TTLL7: variants seen among roughly 807,000 people sequenced by gnomAD.
TTLL7 encodes tubulin polyglutamylase TTLL7.
Under a neutral mutation model 120.2 loss-of-function variants are expected in TTLL7, and 53 were observed. That is an observed-to-expected ratio of 0.44 (90% CI 0.35 to 0.55). The LOEUF (loss-of-function observed/expected upper bound fraction) is 0.55. Ranked by LOEUF, TTLL7 falls within the 20% of genes least tolerant of loss-of-function variation. The pLI, the probability that TTLL7 is intolerant of heterozygous loss-of-function variation, is 0.00. For missense variants in TTLL7, 803 were observed against 1,054.7 expected (o/e 0.76, Z 3.31); for synonymous variants, 353 against 351.7 (o/e 1.00, Z -0.04).
intron 18 of TTLL7, among the ~76,000 whole-genome samples, chr1:83,892,713 A>AGC (rs1655772885): frequency 8.0e-5 from 3 of 37,466 alleles, no homozygotes; most frequent in Non-Finnish European, 1.5e-4. Context: ...TGAACATATG[A>AGC]ACATATATAT....
chr1:83,913,865 A>T (rs1657877035), intron 14 of TTLL7, among the ~76,000 whole-genome samples: 1 of 152,188 alleles, frequency 6.6e-6, no homozygotes, highest in Admixed American at 6.5e-5. Context: ...AAAATATAAG[A>T]CAATATAAAG....
chr1:83,920,320 C>T (rs1183028047), intron 12 of TTLL7, among the ~76,000 whole-genome samples: 1 of 151,972 alleles, frequency 6.6e-6, no homozygotes, highest in Admixed American at 6.6e-5. Flanking sequence ...GGAGAGTGTT[C>T]AGGTAATAAG....
chr1:83,872,708 A>G (rs1335507630), intron 20 of TTLL7, among the ~76,000 whole-genome samples: 1 of 152,190 alleles, frequency 6.6e-6, no homozygotes, highest in African/African-American at 2.4e-5. Context: ...TAAAAGCACA[A>G]AGTCCAGGAT....
At position 83,870,588 on chromosome 1, in the gene TTLL7, G is replaced by A. The variant is rs116412720; in HGVS notation, c.2544-506C>T. Among the ~76,000 whole-genome samples, 690 of 152,168 alleles carry A rather than the reference G, an allele frequency of 4.5e-3. 10 individuals carry two copies. Among genetic ancestry groups the A allele is most frequent in the African/African-American group, 0.016 (659 of 41,518 alleles). ...TTAGAATATAAATTTTATATTCTTT[G>A]ACCATAGAGTGCTCATGATTACAGA... is the stretch of plus-strand genomic sequence containing the variant. On this transcript the variant is annotated intron_variant, in intron 20 of 20. Transcript: ENST00000260505.
intron 20 of TTLL7, among the ~76,000 whole-genome samples, chr1:83,871,680 G>A (rs572226357): frequency 6.6e-6 from 1 of 152,092 alleles, no homozygotes; most frequent in African/African-American, 2.4e-5. Context: ...CGGATCACGA[G>A]GTCAGGAGAT....
At chr1:83,995,264 T>C (rs1204815402) in intron 1 of TTLL7, among the ~76,000 whole-genome samples, 1 of 151,942 alleles carries the variant, frequency 6.6e-6, no homozygotes, top group African/African-American at 2.4e-5. Flanking sequence ...ATTGATACAG[T>C]TTGGATATGG....
rs115128599 is a variant in TTLL7 at position 83,945,589 on chromosome 1, G to C, written c.506+1535C>G. Among the ~76,000 whole-genome samples the C allele has an allele frequency of 9.5e-3, 1,449 of 152,266 alleles. 9 individuals carry two copies. The highest frequency in any genetic ancestry group is 0.02 in the Middle Eastern group (6 of 294). ...GCAAGGAAACAGATACAATTCAATA[G>C]ATGAGAGAGGTGTTCTTTACGTAGG... On this transcript the variant is annotated intron_variant, in intron 6 of 20. Coordinates refer to ENST00000260505, the MANE Select transcript of TTLL7 (RefSeq NM_024686.6).
chr1:83,949,889 T>C lies in TTLL7; in HGVS notation c.255A>G (p.Lys85=), dbSNP rs374597941. The change falls in exon 4 of 21, where the codon AAA becomes AAG. Residue 85 remains lysine (K), a synonymous_variant. Transcript: ENST00000260505. ...CCTGATAATTTTGCAGCTCTGAAAT[T>C]TTCTCCTGCTGAACAGCAGAATCAC... ...IWCDSAVQQE[K]ISELQNYQRI... 2 of 1,613,634 alleles carry C rather than the reference T, an allele frequency of 1.2e-6. No individual in the cohort carries two copies. The highest frequency in any genetic ancestry group is 1.7e-6 in the Non-Finnish European group (2 of 1,179,914).
Position 83,890,344 on chromosome 1 carries a change from C to A in TTLL7, c.2346G>T (p.Leu782=). 6.2e-7 allele frequency: 1 copy of A among 1,612,844 alleles called. No homozygotes were observed. Among genetic ancestry groups the A allele is most frequent in the Non-Finnish European group, 8.5e-7 (1 of 1,179,360 alleles). ...NRLLWSRGQG[L]WNCFCDSGSS... Reference sequence around the variant, plus strand: ...ACCCTGAATCACAGAAACAGTTCCACAGCCCTTGGCCACGACTCCAGAGTA... The same window carrying A: ...ACCCTGAATCACAGAAACAGTTCCAAAGCCCTTGGCCACGACTCCAGAGTA... The change falls in exon 19 of 21, where the codon CTG becomes CTT. Residue 782 remains leucine (L), a synonymous_variant. Transcript: ENST00000260505.
At chr1:83,870,934 G>A (rs943555527) in intron 20 of TTLL7, among the ~76,000 whole-genome samples, 2 of 150,690 alleles carry the variant, frequency 1.3e-5, no homozygotes, top group Non-Finnish European at 3.0e-5. Flanking sequence ...TCATGATTAC[G>A]GGTTGCATGT....
chr1:83,933,053 T>C (rs572043737), intron 9 of TTLL7, among the ~76,000 whole-genome samples: 1 of 152,318 alleles, frequency 6.6e-6, no homozygotes, highest in East Asian at 1.9e-4. Flanking sequence ...ACTCTCACCC[T>C]ACCAGGGACT....
chr1:83,968,547 T>C (rs1295112747), intron 1 of TTLL7, among the ~76,000 whole-genome samples: 2 of 151,926 alleles, frequency 1.3e-5, no homozygotes, highest in African/African-American at 2.4e-5. Context: ...CAAAGCATAA[T>C]AGAAAAAAAT....
chr1:83,932,297 G>A (rs1362282687), intron 9 of TTLL7, among the ~76,000 whole-genome samples: 1 of 152,088 alleles, frequency 6.6e-6, no homozygotes, highest in African/African-American at 2.4e-5. Flanking sequence ...AGACAATATA[G>A]CTAAGAACAG....
intron 15 of TTLL7, among the ~76,000 whole-genome samples, chr1:83,908,104 G>A (rs75387645): frequency 0.042 from 6,340 of 152,142 alleles, 154 homozygotes; most frequent in Middle Eastern, 0.092. Context: ...ATACAGCAAG[G>A]AAGTGGTCAA....
intron 1 of TTLL7, among the ~76,000 whole-genome samples, chr1:83,990,221 T>A (rs1008122440): frequency 2.1e-5 from 3 of 144,606 alleles, no homozygotes; most frequent in African/African-American, 7.7e-5. Flanking sequence ...CAGGCCGGAC[T>A]GCGGACTGCA....
At chr1:83,877,079 A>G (rs1653989889) in intron 20 of TTLL7, among the ~76,000 whole-genome samples, 3 of 152,016 alleles carry the variant, frequency 2.0e-5, no homozygotes, top group Admixed American at 2.0e-4. Flanking sequence ...CTGTCTAGCT[A>G]CTAAGCACTT....
At chr1:83,898,609 T>G (rs1197758208) in intron 18 of TTLL7, among the ~76,000 whole-genome samples, 1 of 151,976 alleles carries the variant, frequency 6.6e-6, no homozygotes, top group East Asian at 1.9e-4. Context: ...GACTCATTAT[T>G]ATATTAGCTC....
At chr1:83,917,787 C>A in intron 13 of TTLL7, 97 bp from the exon 14 acceptor site, 11 of 755,214 alleles carry the variant, frequency 1.5e-5, no homozygotes, top group South Asian at 3.8e-5. Context: ...AGCAAGGATT[C>A]CTGAAATTAT....
chr1:83,908,680 G>A (rs1657419582), intron 15 of TTLL7, among the ~76,000 whole-genome samples: 1 of 151,790 alleles, frequency 6.6e-6, no homozygotes, highest in South Asian at 2.1e-4. Context: ...TTGTTTTTCA[G>A]TTCCTATGGT....
Sources: gnomAD v4.1 joint callset for allele counts (sites outside exome capture counted in the v4.1 genomes callset) on GRCh38, gnomAD v4.1.1 for gene constraint, MANE v1.5 for transcripts, NCBI Gene and HGNC (gene_info 2026-07-23, HGNC 2026-07-21) for gene names.